The following SH3D19 variants were observed in gnomAD, a reference collection of about 807,000 sequenced individuals.
SH3D19 encodes SH3 domain-containing protein 19.
In SH3D19, 58 loss-of-function variants were observed where a neutral mutation model predicts 112.1. That is an observed-to-expected ratio of 0.52 (90% CI 0.42 to 0.64). The LOEUF is 0.64. SH3D19 is among the 30% of genes least tolerant of loss of function. The probability of loss-of-function intolerance (pLI) is 0.00; values close to 1 mark genes in which losing one functional copy is unlikely to be tolerated. For missense variants in SH3D19, 1,090 were observed against 1,263.4 expected (o/e 0.86, Z 2.08); for synonymous variants, 391 against 448.5 (o/e 0.87, Z 1.62).
intron 1 of SH3D19, chr4:151,283,421 A>T: frequency 1.4e-6 from 1 of 702,280 alleles, no homozygotes; most frequent in Admixed American, 2.9e-5. Flanking sequence ...GTTACCCTGG[A>T]CAAATCACTT....
chr4:151,132,963 T>A, intron 16 of SH3D19, 71 bp downstream of exon 16: 1 of 1,248,258 alleles, frequency 8.0e-7, no homozygotes, highest in East Asian at 2.5e-5. Context: ...TTATACAGCT[T>A]AAGTATAATG....
intron 2 of SH3D19, among the ~76,000 whole-genome samples, chr4:151,198,304 C>CAA (rs1231227871): frequency 4.3e-5 from 2 of 46,128 alleles, no homozygotes; most frequent in South Asian, 5.7e-4. Flanking sequence ...GACTCTGTCT[C>CAA]AAAAAAAAAA....
intron 1 of SH3D19, among the ~76,000 whole-genome samples, chr4:151,324,280 T>C (rs1430981327): frequency 2.0e-5 from 3 of 152,182 alleles, no homozygotes; most frequent in Middle Eastern, 3.2e-3. Context: ...TTTCCAACTT[T>C]CTCTTAGTGG....
rs866862538 is a variant in SH3D19, at chr4:151,187,615, T to C, written c.153-152A>G. 4.6e-5 allele frequency among the ~76,000 whole-genome samples: 7 copies of C among 152,334 alleles called. No homozygotes were observed. In the South Asian group the frequency reaches 1.4e-3, roughly 32 times the overall value. On this transcript the variant is annotated intron_variant, in intron 2 of 19. Transcript: ENST00000604030. ...CCTATCCTCTTTAAAAATCAAAAAT[T>C]AAAGAAATTTTTAAAACTTGACTTT...
At position 151,175,365 on chromosome 4, in the gene SH3D19, A is replaced by G. The variant is rs1759783754; in HGVS notation, c.839T>C (p.Val280Ala). The change falls in exon 7 of 20, where the codon GTG (valine) becomes GCG (alanine). Residue 280 changes from valine to alanine, a missense_variant. Transcript: ENST00000604030. ...DNASTSDSQA[V>A]MNIMNTEQSQ... ...TTGTTCTGTGTTCATAATGTTCATC[A>G]CTGCCTGACTGTCTGAGGTGCTAGC... The G allele has an allele frequency of 1.2e-6, 2 of 1,600,218 alleles. No individual in the cohort carries two copies. Among genetic ancestry groups the G allele is most frequent in the Middle Eastern group, 1.7e-4 (1 of 5,984 alleles).
At chr4:151,232,419 G>A (rs1023762770) in intron 1 of SH3D19, among the ~76,000 whole-genome samples, 23 of 152,052 alleles carry the variant, frequency 1.5e-4, no homozygotes, top group Admixed American at 1.4e-3. Context: ...GATTAAATGA[G>A]ATAATGCCAG....
At position 151,120,766 on chromosome 4, in the gene SH3D19, A is replaced by G. The variant is rs1170597623; in HGVS notation, c.*1325T>C. 1 of 152,596 alleles carries G rather than the reference A, an allele frequency of 6.6e-6. No individual in the cohort carries two copies. Among genetic ancestry groups the G allele is most frequent in the East Asian group, 1.9e-4 (1 of 5,204 alleles). 9.5% of individuals were successfully genotyped at this position (152,596 alleles called of 1,614,324 possible). On this transcript the variant is annotated 3_prime_UTR_variant, in exon 20 of 20. Coordinates refer to ENST00000604030, the MANE Select transcript of SH3D19 (RefSeq NM_001378122.1). ...TGCTTAACTTTTTGGACAATGGGAAAAAAAAAACAATAAAAGCTAAAATGT... is the reference window on the plus strand; with the variant it reads ...TGCTTAACTTTTTGGACAATGGGAAGAAAAAAACAATAAAAGCTAAAATGT...
At chr4:151,255,026 G>A (rs1447115631) in intron 1 of SH3D19, among the ~76,000 whole-genome samples, 6 of 151,262 alleles carry the variant, frequency 4.0e-5, no homozygotes, top group East Asian at 2.0e-4. Context: ...AGGGGCGGCC[G>A]GGCAGAGGCG....
chr4:151,249,817 A>C (rs1472886643), intron 1 of SH3D19, among the ~76,000 whole-genome samples: 3 of 152,240 alleles, frequency 2.0e-5, no homozygotes, highest in African/African-American at 7.2e-5. Context: ...CTATTCAAGT[A>C]AAGTCTTAAA....
chr4:151,220,022 T>C (rs1410890892), intron 2 of SH3D19, among the ~76,000 whole-genome samples: 3 of 152,232 alleles, frequency 2.0e-5, no homozygotes, highest in African/African-American at 4.8e-5. Flanking sequence ...TCTGTTGACA[T>C]ACCAGCTTTC....
chr4:151,176,137 G>A (rs564614838), intron 6 of SH3D19, among the ~76,000 whole-genome samples: 11 of 152,236 alleles, frequency 7.2e-5, no homozygotes, highest in East Asian at 5.8e-4. Context: ...CTCCTAAAGC[G>A]TTGGGATTAA....
At chr4:151,297,466 C>T (rs1775786757) in intron 1 of SH3D19, among the ~76,000 whole-genome samples, 1 of 152,160 alleles carries the variant, frequency 6.6e-6, no homozygotes, top group African/African-American at 2.4e-5. Flanking sequence ...CTCCAGAATG[C>T]TAATGCTACT....
intron 1 of SH3D19, among the ~76,000 whole-genome samples, chr4:151,235,639 A>G (rs1284189817): frequency 6.6e-6 from 1 of 152,140 alleles, no homozygotes; most frequent in Non-Finnish European, 1.5e-5. Flanking sequence ...TACAAAAATT[A>G]GCTGGGTGTG....
chr4:151,252,859 C>T (rs1005563526), intron 1 of SH3D19, among the ~76,000 whole-genome samples: 14 of 152,202 alleles, frequency 9.2e-5, no homozygotes, highest in Admixed American at 8.5e-4. Context: ...TCCTTGGCTC[C>T]TGTCTTCTTC....
chr4:151,324,007 G>A (rs778970843), intron 1 of SH3D19, among the ~76,000 whole-genome samples: 3 of 152,126 alleles, frequency 2.0e-5, no homozygotes, highest in African/African-American at 7.2e-5. Flanking sequence ...CTTATATCCA[G>A]CAACTATTCA....
intron 19 of SH3D19, among the ~76,000 whole-genome samples, chr4:151,123,693 G>A (rs1197771351): frequency 6.6e-6 from 1 of 152,182 alleles, no homozygotes; most frequent in African/African-American, 2.4e-5. Flanking sequence ...TTATTCATGT[G>A]CAAATTAGAA....
At position 151,294,030 on chromosome 4, in the gene SH3D19, T is replaced by C. The variant is rs78891916; in HGVS notation, c.112+31211A>G. 4.0e-3 allele frequency among the ~76,000 whole-genome samples: 617 copies of C among 152,350 alleles called. 4 individuals carry two copies. The highest frequency in any genetic ancestry group is 0.014 in the African/African-American group (593 of 41,582). ...CCAGGACAGGTCCTCCTAATTCTCA[T>C]AGCACTATGAAGCCCTCCTTTATAG... is the stretch of plus-strand genomic sequence containing the variant. On this transcript the variant is annotated intron_variant, in intron 1 of 19. Transcript: ENST00000604030.
intron 1 of SH3D19, among the ~76,000 whole-genome samples, chr4:151,269,281 T>C (rs181103623): frequency 6.6e-6 from 1 of 152,320 alleles, no homozygotes; most frequent in Non-Finnish European, 1.5e-5. Flanking sequence ...CACTTTTTGA[T>C]GGGGTTGTTT....
intron 1 of SH3D19, among the ~76,000 whole-genome samples, chr4:151,238,660 T>A (rs1219495635): frequency 1.3e-5 from 2 of 152,098 alleles, no homozygotes; most frequent in Admixed American, 1.3e-4. Flanking sequence ...CATTTTCTGC[T>A]TGGATGAGGA....
Sources: gnomAD v4.1 joint callset for allele counts (sites outside exome capture counted in the v4.1 genomes callset) on GRCh38, gnomAD v4.1.1 for gene constraint, MANE v1.5 for transcripts, NCBI Gene and HGNC (gene_info 2026-07-23, HGNC 2026-07-21) for gene names.